Variants in TENT2 observed in about 807,000 individuals in gnomAD.
TENT2 encodes poly(A) RNA polymerase GLD2.
In TENT2, 44 loss-of-function variants were observed where a neutral mutation model predicts 72.2. The observed-to-expected ratio is 0.61, with a 90% CI of 0.48 to 0.78. TENT2 has a LOEUF of 0.78. Ranked by LOEUF, TENT2 falls within the 30% of genes least tolerant of loss-of-function variation. TENT2 has a pLI of 0.00. For synonymous variants in TENT2, 212 were observed against 192.5 expected (o/e 1.10, Z -0.84); for missense variants, 541 against 569.6 (o/e 0.95, Z 0.51).
intron 6 of TENT2, among the ~76,000 whole-genome samples, chr5:79,642,105 A>C (rs978597121): frequency 1.3e-5 from 2 of 152,094 alleles, no homozygotes; most frequent in African/African-American, 2.4e-5. Flanking sequence ...AATTAAGCTC[A>C]GTGTAATTTT....
Position 79,685,301 on chromosome 5 carries a change from C to T in TENT2, c.*28C>T. 1 of 1,483,836 alleles carries T rather than the reference C, an allele frequency of 6.7e-7. No individual in the cohort carries two copies. The highest frequency in any genetic ancestry group is 1.2e-5 in the South Asian group (1 of 81,196). The allele number at this position is 1,483,836 out of a possible 1,614,324, so 91.9% of individuals were successfully genotyped here. The stretch of plus-strand genomic sequence containing the variant: ...GGCCTCTATTTCTTAATAAATTCTT[C>T]CAAGAAATAAAGAACAATAGTTTCA... On this transcript the variant is annotated 3_prime_UTR_variant, in exon 15 of 15. Coordinates refer to ENST00000453514, the MANE Select transcript of TENT2 (RefSeq NM_001114394.3).
intron 11 of TENT2, among the ~76,000 whole-genome samples, chr5:79,661,971 A>G (rs1290021868): frequency 1.3e-5 from 2 of 152,174 alleles, no homozygotes; most frequent in East Asian, 3.9e-4. Flanking sequence ...TTGTTTATAC[A>G]CTTAGAAATA....
chr5:79,673,395 A>G (rs777132425), intron 12 of TENT2, among the ~76,000 whole-genome samples: 3 of 152,112 alleles, frequency 2.0e-5, no homozygotes, highest in Non-Finnish European at 2.9e-5. Context: ...AGTTTCTCCA[A>G]TGTTTTCTTG....
chr5:79,674,380 C>T (rs143746807), intron 12 of TENT2, among the ~76,000 whole-genome samples: 408 of 152,232 alleles, frequency 2.7e-3, no homozygotes, highest in African/African-American at 9.3e-3. Flanking sequence ...CCAGCCTGGG[C>T]GACAGGGCGA....
At chr5:79,633,721 GTT>G (rs10565563) in intron 4 of TENT2, among the ~76,000 whole-genome samples, 29 of 130,278 alleles carry the variant, frequency 2.2e-4, no homozygotes, top group African/African-American at 6.6e-4. Context: ...AGGCTAAAAA[GTT>G]TTTTTTTTTT....
In TENT2 at chr5:79,685,279, C is replaced by CT. The variant is rs1441072213; in HGVS notation, c.*7dup. 1 of 1,559,620 alleles carries CT rather than the reference C, an allele frequency of 6.4e-7. No individual in the cohort carries two copies. ...CTGCTGTCCTGAAAAGATAACTGGC[C>CT]TCTATTTCTTAATAAATTCTTCCAA... On this transcript the variant is annotated 3_prime_UTR_variant, in exon 15 of 15. Coordinates refer to ENST00000453514, the MANE Select transcript of TENT2 (RefSeq NM_001114394.3).
chr5:79,656,871 C>G, intron 10 of TENT2, 87 bp from the exon 11 acceptor site: 1 of 922,344 alleles, frequency 1.1e-6, no homozygotes, highest in East Asian at 2.5e-5. Context: ...CCCTTATGGT[C>G]TTATACCTGG....
At chr5:79,674,654 T>TAC (rs1375118694) in intron 12 of TENT2, among the ~76,000 whole-genome samples, 3 of 152,012 alleles carry the variant, frequency 2.0e-5, no homozygotes, top group Admixed American at 6.5e-5. Flanking sequence ...CAGTTCAAAA[T>TAC]ACACACACAC....
At position 79,688,173 on chromosome 5, in the gene TENT2, A is replaced by G. The variant is rs1331268021; in HGVS notation, c.*2900A>G. ...CTCGTGTAACTGGTGAATAATCCCC[A>G]GCTTACAGTCATATTTAACAACTCT... On this transcript the variant is annotated 3_prime_UTR_variant, in exon 15 of 15. Coordinates refer to ENST00000453514, the MANE Select transcript of TENT2 (RefSeq NM_001114394.3). 6.6e-6 allele frequency among the ~76,000 whole-genome samples: 1 copy of G among 152,240 alleles called. No individual in the cohort carries two copies. Among genetic ancestry groups the G allele is most frequent in the Non-Finnish European group, 1.5e-5 (1 of 68,040 alleles).
chr5:79,666,376 T>C (rs1807973909), intron 11 of TENT2, among the ~76,000 whole-genome samples: 1 of 139,824 alleles, frequency 7.2e-6, no homozygotes, highest in African/African-American at 2.6e-5. Flanking sequence ...CTTTTCTTTC[T>C]TTTTTTTTTT....
intron 4 of TENT2, among the ~76,000 whole-genome samples, chr5:79,638,287 C>T (rs1228725662): frequency 6.6e-6 from 1 of 152,058 alleles, no homozygotes; most frequent in Non-Finnish European, 1.5e-5. Context: ...CGTCTACCTA[C>T]TAGATGCCAG....
At chr5:79,660,080 T>A (rs1380277015) in intron 11 of TENT2, among the ~76,000 whole-genome samples, 1 of 152,164 alleles carries the variant, frequency 6.6e-6, no homozygotes, top group Non-Finnish European at 1.5e-5. Context: ...ATAAATTTGT[T>A]CAGTATACTA....
intron 7 of TENT2, among the ~76,000 whole-genome samples, chr5:79,643,355 A>C (rs920626955): frequency 1.3e-5 from 2 of 152,202 alleles, no homozygotes; most frequent in African/African-American, 4.8e-5. Flanking sequence ...ATGAGACCTA[A>C]ATGTATTACT....
intron 3 of TENT2, among the ~76,000 whole-genome samples, chr5:79,622,475 C>T (rs1765878166): frequency 6.6e-6 from 1 of 152,162 alleles, no homozygotes; most frequent in African/African-American, 2.4e-5. Flanking sequence ...TTTGCAAATA[C>T]TAAAACCTCC....
intron 1 of TENT2, 36 bp from the exon 2 acceptor site, chr5:79,619,576 A>G: frequency 7.0e-7 from 1 of 1,419,802 alleles, no homozygotes; most frequent in Non-Finnish European, 9.5e-7. Flanking sequence ...TCTTTAAGCT[A>G]TGATAATTTA....
chr5:79,674,392 A>AC (rs1272881799), intron 12 of TENT2, among the ~76,000 whole-genome samples: 1 of 152,174 alleles, frequency 6.6e-6, no homozygotes, highest in Non-Finnish European at 1.5e-5. Context: ...ACAGGGCGAG[A>AC]CCCCCTCCTA....
chr5:79,676,481 A>G (rs1817444679), intron 12 of TENT2, among the ~76,000 whole-genome samples: 1 of 152,112 alleles, frequency 6.6e-6, no homozygotes, highest in Non-Finnish European at 1.5e-5. Context: ...GCTACTCGGG[A>G]TGCTGAGGCA....
chr5:79,634,471 G>T (rs1778455997), intron 4 of TENT2, among the ~76,000 whole-genome samples: 1 of 151,916 alleles, frequency 6.6e-6, no homozygotes, highest in Non-Finnish European at 1.5e-5. Context: ...CAAGTAGCTT[G>T]GACTACAGGC....
intron 4 of TENT2, among the ~76,000 whole-genome samples, chr5:79,628,256 T>C (rs975410942): frequency 6.6e-6 from 1 of 152,196 alleles, no homozygotes; most frequent in African/African-American, 2.4e-5. Context: ...GAGTGAAGGG[T>C]TCAGTGTGAG....
Sources: gnomAD v4.1 joint callset for allele counts (sites outside exome capture counted in the v4.1 genomes callset) on GRCh38, gnomAD v4.1.1 for gene constraint, MANE v1.5 for transcripts, NCBI Gene and HGNC (gene_info 2026-07-23, HGNC 2026-07-21) for gene names.